COQ9: variants seen among roughly 807,000 people sequenced by gnomAD.
COQ9 encodes ubiquinone biosynthesis protein COQ9, mitochondrial.
Under a neutral mutation model 42.4 loss-of-function variants are expected in COQ9, and 35 were observed. The ratio of observed to expected loss-of-function variants is 0.83; its 90% CI spans 0.63 to 1.10. COQ9 has a LOEUF of 1.10. Ranked by LOEUF, COQ9 falls within the 50% of genes least tolerant of loss-of-function variation. The pLI, the probability that COQ9 is intolerant of heterozygous loss-of-function variation, is 0.00. For synonymous variants in COQ9, 155 were observed against 155.1 expected, an observed-to-expected ratio of 1.00 and a Z score of 0.00; for missense variants, 406 against 414.6, an observed-to-expected ratio of 0.98 and a Z score of 0.18.
intron 2 of COQ9, 81 bp downstream of exon 2, chr16:57,451,289 A>C: frequency 2.1e-6 from 3 of 1,434,392 alleles, no homozygotes; most frequent in Non-Finnish European, 2.9e-6. Context: ...TCTCCTCTCC[A>C]TCCCCTTTTG....
chr16:57,450,847 T>C, intron 1 of COQ9, 193 bp from the exon 2 acceptor site: 1 of 669,006 alleles, frequency 1.5e-6, no homozygotes, highest in Non-Finnish European at 2.7e-6. Flanking sequence ...TTTCCTGGCT[T>C]ACCACTTTTG....
In COQ9 at chr16:57,456,920, C is replaced by T; in HGVS notation, c.522-11C>T. On this transcript the variant is annotated splice_polypyrimidine_tract_variant and intron_variant, in intron 4 of 8. Transcript: ENST00000262507. ...ACTCAGAGACACACTGTTTTCTTTTCCCTCTTCCAGGAAGAGGAAGACAGA... is the reference window on the plus strand; with the variant it reads ...ACTCAGAGACACACTGTTTTCTTTTTCCTCTTCCAGGAAGAGGAAGACAGA... The T allele has an allele frequency of 1.2e-6, 2 of 1,606,628 alleles. No homozygotes were observed. The highest frequency in any genetic ancestry group is 1.3e-5 in the African/African-American group (1 of 74,892).
rs778443934 is a variant in COQ9 at position 57,451,030 on chromosome 16, T to G, written c.74-10T>G. On this transcript the variant is annotated splice_polypyrimidine_tract_variant and intron_variant, in intron 1 of 8. Transcript: ENST00000262507. ...GTTGAATGTCCCTGACTGACCAGTT[T>G]CTGTTTCAGTGGCCCGTTGCCGACA... The G allele has an allele frequency of 6.2e-7, 1 of 1,613,690 alleles. No individual in the cohort carries two copies. Among genetic ancestry groups the G allele is most frequent in the South Asian group, 1.1e-5 (1 of 90,992 alleles).
chr16:57,456,442 AG>A (rs2030403781), intron 3 of COQ9, 61 bp from the exon 4 acceptor site: 2 of 1,581,454 alleles, frequency 1.3e-6, no homozygotes, highest in Non-Finnish European at 1.7e-6. Context: ...AGTGATGAAC[AG>A]GCAACAAATG....
At position 57,459,681 on chromosome 16, in the gene COQ9, G is replaced by T. The variant is rs1453898937; in HGVS notation, c.828G>T (p.Arg276=). Residue 276 remains arginine, a synonymous_variant, in exon 7 of 9, where the codon CGG becomes CGT. Coordinates refer to ENST00000262507, the MANE Select transcript of COQ9 (RefSeq NM_020312.4). ...FEDTWRFLEN[R]VNDAMNMGHT... Reference sequence around the variant, plus strand: ...ACACTTGGCGCTTCCTGGAAAACCGGGTTAATGATGCAATGAACATGGGCC... The same window carrying T: ...ACACTTGGCGCTTCCTGGAAAACCGTGTTAATGATGCAATGAACATGGGCC... The T allele has an allele frequency of 4.3e-6, 7 of 1,614,180 alleles. No individual in the cohort carries two copies. The highest frequency in any genetic ancestry group is 5.9e-6 in the Non-Finnish European group (7 of 1,180,034).
Position 57,460,971 on chromosome 16 carries a change from C to T in COQ9, c.*347C>T. 2.7e-6 allele frequency: 1 copy of T among 371,038 alleles called. No individual in the cohort carries two copies. Among genetic ancestry groups the T allele is most frequent in the South Asian group, 2.1e-5 (1 of 47,616 alleles). 23.0% of individuals were successfully genotyped at this position (371,038 alleles called of 1,614,324 possible). On this transcript the variant is annotated 3_prime_UTR_variant, in exon 9 of 9. Transcript: ENST00000262507. ...ATGGGCACCTTGATCATGTCTTAACCTTCCCTTAACCTTGGGGCTCCCAAG... is the reference window on the plus strand; with the variant it reads ...ATGGGCACCTTGATCATGTCTTAACTTTCCCTTAACCTTGGGGCTCCCAAG...
intron 2 of COQ9, 97 bp downstream of exon 2, chr16:57,451,305 TC>T (rs2030283545): frequency 7.6e-6 from 10 of 1,316,182 alleles, no homozygotes; most frequent in Non-Finnish European, 6.6e-6. Flanking sequence ...TTTTGTACCT[TC>T]CTTCATTTCC....
chr16:57,458,411 A>G (rs1344713074), intron 6 of COQ9, 61 bp downstream of exon 6: 2 of 1,248,760 alleles, frequency 1.6e-6, no homozygotes, highest in Non-Finnish European at 2.3e-6. Flanking sequence ...CATTTCTTCA[A>G]GAAGCTTGTG....
In COQ9 at chr16:57,453,079, A is replaced by G. The variant is rs115887618; in HGVS notation, c.378+143A>G. The G allele has an allele frequency of 0.051, 53,102 of 1,042,040 alleles. 1,666 individuals are homozygous for G. The highest frequency in any genetic ancestry group is 0.068 in the Middle Eastern group (229 of 3,364). 64.5% of individuals were successfully genotyped at this position (1,042,040 alleles called of 1,614,324 possible). On this transcript the variant is annotated intron_variant, in intron 3 of 8. Coordinates refer to ENST00000262507, the MANE Select transcript of COQ9 (RefSeq NM_020312.4). ...AAGATTGACTGGTTTTTTTCCCCCA[A>G]TAGGGTGGAACTGGCTTTATTTTGT...
Position 57,452,791 on chromosome 16 carries a change from C to G in COQ9, c.243-10C>G. On this transcript the variant is annotated splice_polypyrimidine_tract_variant and intron_variant, in intron 2 of 8. Coordinates refer to ENST00000262507, the MANE Select transcript of COQ9 (RefSeq NM_020312.4). ...GATGAAGTATGCTGGGCTGTGTCCT[C>G]TTGTCTCAGGTATACAGACCAGGGC... 6.2e-7 allele frequency: 1 copy of G among 1,612,868 alleles called. No homozygotes were observed. The highest frequency in any genetic ancestry group is 8.5e-7 in the Non-Finnish European group (1 of 1,180,016).
chr16:57,452,729 C>T (rs2030315805), intron 2 of COQ9, 72 bp from the exon 3 acceptor site: 4 of 1,542,832 alleles, frequency 2.6e-6, no homozygotes, highest in Non-Finnish European at 3.6e-6. Context: ...GATCCAGAGC[C>T]CCTAGTTTCT....
intron 1 of COQ9, among the ~76,000 whole-genome samples, chr16:57,449,185 G>C (rs964563884): frequency 6.6e-5 from 10 of 152,184 alleles, no homozygotes; most frequent in African/African-American, 1.7e-4. Flanking sequence ...AGTTAACAAA[G>C]TTAGGATTCT....
intron 8 of COQ9, among the ~76,000 whole-genome samples, chr16:57,460,332 C>T (rs1055367494): frequency 1.3e-5 from 2 of 152,114 alleles, no homozygotes; most frequent in East Asian, 3.9e-4. Flanking sequence ...TATATCAAGT[C>T]TCTGTATCAT....
At chr16:57,455,372 T>TATATAC (rs1201864688) in intron 3 of COQ9, among the ~76,000 whole-genome samples, 2 of 144,580 alleles carry the variant, frequency 1.4e-5, no homozygotes, top group African/African-American at 5.2e-5. Context: ...TATATATATA[T>TATATAC]ACAGTATATA....
chr16:57,456,306 A>G, intron 3 of COQ9, 198 bp from the exon 4 acceptor site: 1 of 620,222 alleles, frequency 1.6e-6, no homozygotes, highest in Non-Finnish European at 2.9e-6. Flanking sequence ...ATTCAAGCCT[A>G]GATCCCACTC....
chr16:57,452,903 G>T lies in COQ9; in HGVS notation c.345G>T (p.Gly115=), dbSNP rs760705775. The T allele has an allele frequency of 2.5e-6, 4 of 1,613,830 alleles. No homozygotes were observed. The Admixed American group carries it at 5.0e-5, about 20-fold the overall frequency. The change falls in exon 3 of 9, where the codon GGG becomes GGT. Residue 115 remains glycine, a synonymous_variant. Coordinates refer to ENST00000262507, the MANE Select transcript of COQ9 (RefSeq NM_020312.4). ...TAALEFVPAH[G]WTAEAIAEGA... is the part of the protein sequence containing the mutation. ...CCCTTGAGTTTGTGCCCGCCCACGG[G>T]TGGACAGCAGAGGCGATTGCAGAAG...
rs761288622 is a variant in COQ9, at chr16:57,460,654, A to G, written c.*30A>G. ...AAGGGGTATAAGCTACAATGCCTAG[A>G]AGAGAATGAGCGGACAGATTGAAAG... On this transcript the variant is annotated 3_prime_UTR_variant, in exon 9 of 9. Coordinates refer to ENST00000262507, the MANE Select transcript of COQ9 (RefSeq NM_020312.4). The G allele has an allele frequency of 6.2e-7, 1 of 1,604,382 alleles. No individual in the cohort carries two copies. The highest frequency in any genetic ancestry group is 8.5e-7 in the Non-Finnish European group (1 of 1,171,136).
At chr16:57,457,213 T>C (rs769986665) in intron 5 of COQ9, 198 bp downstream of exon 5, 1 of 666,612 alleles carries the variant, frequency 1.5e-6, no homozygotes, top group South Asian at 1.5e-5. Context: ...GCCATCTGTG[T>C]CTCAGTTCTT....
intron 7 of COQ9, 148 bp downstream of exon 7, chr16:57,459,868 T>G: frequency 9.1e-7 from 1 of 1,094,434 alleles, no homozygotes; most frequent in Non-Finnish European, 1.4e-6. Context: ...AGGCCAGCCC[T>G]TCCCTAAGAG....
Sources: allele counts gnomAD v4.1 joint callset (sites outside exome capture counted in the v4.1 genomes callset), GRCh38; gene constraint gnomAD v4.1.1; transcripts MANE v1.5; gene names NCBI Gene and HGNC (gene_info 2026-07-23, HGNC 2026-07-21).